Variants in MTFR1 observed in about 807,000 individuals in gnomAD.
MTFR1 encodes the protein chondrocyte protein with a poly-proline region.
In MTFR1, 28 loss-of-function variants were observed where a neutral mutation model predicts 38.8. The observed-to-expected ratio is 0.72, with a 90% confidence interval of 0.53 to 0.99. The LOEUF is 0.99. Among genes scored for constraint, MTFR1 ranks in the 50% least tolerant of loss-of-function variants. MTFR1 has a pLI of 0.00. For missense variants in MTFR1, 358 were observed against 395.5 expected (o/e 0.91, Z 0.81); for synonymous variants, 145 against 137.0 (o/e 1.06, Z -0.41).
At chr8:65,716,148 C>CAA (rs376045290) in intron 2 of MTFR1, among the ~76,000 whole-genome samples, 3,864 of 88,462 alleles carry the variant, frequency 0.044, 61 homozygotes, top group African/African-American at 0.058. Flanking sequence ...GACCCTGTCT[C>CAA]AAAAAAAAAA....
At chr8:65,716,909 T>C (rs7829434) in intron 2 of MTFR1, among the ~76,000 whole-genome samples, 61,426 of 151,924 alleles carry the variant, frequency 0.4, 14,583 homozygotes, top group Non-Finnish European at 0.55. Context: ...ACCCACACTG[T>C]CCAATATGGT....
chr8:65,678,952 G>C (rs1563444382), intron 2 of MTFR1, among the ~76,000 whole-genome samples: 1 of 152,090 alleles, frequency 6.6e-6, no homozygotes, highest in African/African-American at 2.4e-5. Flanking sequence ...GTATTTTTCT[G>C]ATATTAAACA....
chr8:65,736,152 A>G (rs2128898460), intron 3 of MTFR1, among the ~76,000 whole-genome samples: 1 of 152,348 alleles, frequency 6.6e-6, no homozygotes, highest in East Asian at 1.9e-4. Flanking sequence ...ACAATAAGCC[A>G]GCATCACAAC....
intron 2 of MTFR1, among the ~76,000 whole-genome samples, chr8:65,678,087 A>G (rs1804769552): frequency 6.6e-6 from 1 of 152,084 alleles, no homozygotes; most frequent in Admixed American, 6.6e-5. Context: ...CTTTCATCTA[A>G]AGAAATATTA....
intron 1 of MTFR1, among the ~76,000 whole-genome samples, chr8:65,646,830 A>G (rs896623938): frequency 2.6e-5 from 4 of 152,242 alleles, no homozygotes; most frequent in Admixed American, 6.5e-5. Context: ...TATTTCATCT[A>G]TATCCTTCAT....
At chr8:65,769,247 C>CAAAAAAAAAAAAAAAAAAAAAAAAAA (rs61554087) in intron 3 of MTFR1, among the ~76,000 whole-genome samples, 1 of 74,456 alleles carries the variant, frequency 1.3e-5, no homozygotes. Flanking sequence ...GACTCAGTCT[C>CAAAAAAAAAAAAAAAAAAAAAAAAAA]AAAAAAAAAA....
intron 1 of MTFR1, among the ~76,000 whole-genome samples, chr8:65,650,031 G>A (rs1220192369): frequency 6.6e-6 from 1 of 151,464 alleles, no homozygotes; most frequent in African/African-American, 2.4e-5. Context: ...TAGAGATGGG[G>A]TTTCACTACG....
intron 1 of MTFR1, among the ~76,000 whole-genome samples, chr8:65,663,268 A>T (rs1171632257): frequency 6.6e-6 from 1 of 152,088 alleles, no homozygotes; most frequent in Non-Finnish European, 1.5e-5. Context: ...TGCTGTGTCC[A>T]CTCAGGGTTG....
chr8:65,777,411 T>C, the MTFR1 span, among the ~76,000 whole-genome samples: 14 of 152,066 alleles, frequency 9.2e-5, no homozygotes, highest in African/African-American at 3.1e-4. Context: ...TTACACTGAT[T>C]GATTTTTCAC....
chr8:65,685,411 G>C (rs1805041883), intron 3 of MTFR1, among the ~76,000 whole-genome samples: 2 of 152,204 alleles, frequency 1.3e-5, no homozygotes, highest in Non-Finnish European at 2.9e-5. Flanking sequence ...TGTGGTTATA[G>C]TAGTTTGAAT....
At chr8:65,734,377 G>A (rs1395240850) in intron 3 of MTFR1, among the ~76,000 whole-genome samples, 4 of 152,118 alleles carry the variant, frequency 2.6e-5, no homozygotes, top group Non-Finnish European at 2.9e-5. Flanking sequence ...GTAACTCCTG[G>A]CAGGTGTTCA....
At chr8:65,760,324 T>C (rs561790183) in intron 3 of MTFR1, among the ~76,000 whole-genome samples, 5 of 152,374 alleles carry the variant, frequency 3.3e-5, no homozygotes, top group African/African-American at 9.6e-5. Flanking sequence ...ATTAGTCTAA[T>C]GTATGAAATT....
chr8:65,767,001 A>AAAC (rs149118435), intron 3 of MTFR1, among the ~76,000 whole-genome samples: 10,606 of 150,934 alleles, frequency 0.07, 483 homozygotes, highest in Non-Finnish European at 0.1. Flanking sequence ...TGCTCATTCA[A>AAAC]AACAACAACA....
chr8:65,644,979 G>A (rs976909286), intron 1 of MTFR1, among the ~76,000 whole-genome samples, 195 bp downstream of exon 1: 1 of 152,344 alleles, frequency 6.6e-6, no homozygotes, highest in South Asian at 2.1e-4. Context: ...AGACTGCCTC[G>A]GCTGAGGGCG....
At chr8:65,749,019 C>T (rs1265089137) in intron 3 of MTFR1, among the ~76,000 whole-genome samples, 4 of 152,294 alleles carry the variant, frequency 2.6e-5, no homozygotes, top group South Asian at 2.1e-4. Context: ...GAAGGCTTCA[C>T]GCTCCAAGTC....
At chr8:65,755,329 C>T (rs1051398863) in intron 3 of MTFR1, among the ~76,000 whole-genome samples, 2 of 152,000 alleles carry the variant, frequency 1.3e-5, no homozygotes, top group African/African-American at 2.4e-5. Context: ...CCCATTATTG[C>T]CTTTTTAAAA....
In MTFR1 at chr8:65,730,171, C is replaced by CTTTTTTTTTTTT. The variant is rs1179431555; in HGVS notation, c.*48+10705_*48+10716dup. 1.4e-3 allele frequency among the ~76,000 whole-genome samples: 121 copies of CTTTTTTTTTTTT among 86,428 alleles called. 17 individuals carry two copies. The highest frequency in any genetic ancestry group is 5.2e-3 in the African/African-American group (109 of 20,922). 56.7% of individuals were successfully genotyped at this position (86,428 alleles called of 152,430 possible). A position where few individuals can be genotyped will look rare whatever the true frequency, so the allele number is the denominator to read the frequency against. Reference sequence around the variant, plus strand: ...TGTGAGGGATCCAGGTTGCGCACTTCTTTTTTTTTTTTTTTTTTTTTTTTT... The same window carrying CTTTTTTTTTTTT: ...TGTGAGGGATCCAGGTTGCGCACTTCTTTTTTTTTTTTTTTTTTTTTTTTTTTTTTTTTTTTT... On this transcript the variant is annotated intron_variant, in intron 3 of 3. Coordinates refer to the MTFR1 transcript ENST00000521247.
At chr8:65,686,316 A>G (rs1292120785) in intron 3 of MTFR1, among the ~76,000 whole-genome samples, 1 of 152,218 alleles carries the variant, frequency 6.6e-6, no homozygotes, top group Non-Finnish European at 1.5e-5. Context: ...TCGCACCTGT[A>G]ATCCCAGCAC....
chr8:65,731,610 T>G (rs1048515806), intron 3 of MTFR1: 12 of 152,174 alleles, frequency 7.9e-5, no homozygotes, highest in Admixed American at 7.9e-4. Context: ...ACAAAATGCT[T>G]TATAATCCAC....
Sources: gnomAD v4.1 joint callset for allele counts (sites outside exome capture counted in the v4.1 genomes callset) on GRCh38, gnomAD v4.1.1 for gene constraint, MANE v1.5 for transcripts, NCBI Gene and HGNC (gene_info 2026-07-23, HGNC 2026-07-21) for gene names.